Variants in APTX observed in about 807,000 individuals in gnomAD.
The protein encoded by APTX is forkhead-associated domain histidine triad-like protein.
Under a neutral mutation model 42.3 loss-of-function variants are expected in APTX, and 33 were observed. The observed-to-expected ratio is 0.78, with a 90% CI of 0.59 to 1.04. The LOEUF (loss-of-function observed/expected upper bound fraction) is 1.04. Among genes scored for constraint, APTX ranks in the 50% least tolerant of loss-of-function variants. The probability of loss-of-function intolerance (pLI) is 0.00; values close to 1 mark genes in which losing one functional copy is unlikely to be tolerated. For synonymous variants in APTX, 130 were observed against 146.7 expected, an observed-to-expected ratio of 0.89 and a Z score of 0.82; for missense variants, 421 against 415.1, an observed-to-expected ratio of 1.01 and a Z score of -0.12.
At chr9:33,022,018 G>A (rs951917935) in intron 1 of APTX, among the ~76,000 whole-genome samples, 7 of 151,252 alleles carry the variant, frequency 4.6e-5, no homozygotes, top group African/African-American at 1.7e-4. Flanking sequence ...TGTAAACCTG[G>A]GACAACAGAT....
intron 1 of APTX, among the ~76,000 whole-genome samples, chr9:33,000,655 AAAG>A (rs1836129473): frequency 6.6e-6 from 1 of 150,542 alleles, no homozygotes; most frequent in Non-Finnish European, 1.5e-5. Flanking sequence ...AAAGAAAAGA[AAAG>A]AAAAAGAAAA....
Position 32,984,822 on chromosome 9 carries a change from A to G in APTX, c.579T>C (p.Asp193=), listed in dbSNP as rs1367236323. Residue 193 remains aspartate, a synonymous_variant, in exon 6 of 8, where the codon GAT becomes GAC. Transcript: ENST00000379817. ...AATGGTAACGGGCCTTTGGGTATTT[A>G]TCCTTTATCACCACCACCTGCTCAT... is the stretch of plus-strand genomic sequence containing the variant. ...YKDEQVVVIK[D]KYPKARYHWL... 1.2e-6 allele frequency: 2 copies of G among 1,614,078 alleles called. No homozygotes were observed. The highest frequency in any genetic ancestry group is 1.7e-6 in the Non-Finnish European group (2 of 1,180,042).
upstream of APTX, chr9:33,001,693 T>C (rs1836594386): frequency 6.5e-7 from 1 of 1,548,360 alleles, no homozygotes; most frequent in Non-Finnish European, 8.8e-7. Context: ...CTCTAACGGA[T>C]TGGCTGAAAG....
upstream of APTX, among the ~76,000 whole-genome samples, chr9:33,002,078 TG>T: frequency 6.6e-6 from 1 of 152,332 alleles, no homozygotes. Context: ...CAGGGAAACC[TG>T]TTTTTTGTAG....
Position 32,985,956 on chromosome 9 carries a change from A to C in APTX, c.543+15T>G. 1 of 1,610,770 alleles carries C rather than the reference A, an allele frequency of 6.2e-7. No individual in the cohort carries two copies. The highest frequency in any genetic ancestry group is 1.1e-5 in the South Asian group (1 of 90,928). ...CAACATGAAATGTACTGAAATTCCA[A>C]AATTGTATTCTGACCTGCATTTTGG... On this transcript the variant is annotated intron_variant, in intron 5 of 7. Transcript: ENST00000379817.
intron 1 of APTX, chr9:33,020,117 C>T: frequency 2.7e-6 from 1 of 375,424 alleles, no homozygotes; most frequent in Non-Finnish European, 4.7e-6. Context: ...CCTGCGTCTG[C>T]ATCCACGTCC....
chr9:33,023,743 GCA>G (rs1838600017), intron 1 of APTX, among the ~76,000 whole-genome samples: 2 of 152,348 alleles, frequency 1.3e-5, no homozygotes, highest in South Asian at 2.1e-4. Context: ...TGACTGGAAT[GCA>G]CAGTTAAAAT....
At chr9:33,024,867 G>GTT (rs1491329152) in intron 1 of APTX, 5 of 83,666 alleles carry the variant, frequency 6.0e-5, no homozygotes, top group East Asian at 3.7e-4. Context: ...TAAGAGGGGG[G>GTT]GGGGGGGGGG....
intron 1 of APTX, among the ~76,000 whole-genome samples, chr9:32,993,922 T>C (rs1834237314): frequency 6.6e-6 from 1 of 152,082 alleles, no homozygotes; most frequent in African/African-American, 2.4e-5. Flanking sequence ...TTTCACCATG[T>C]TGGCCAGGCT....
upstream of APTX, among the ~76,000 whole-genome samples, chr9:33,003,817 A>G (rs1247973290): frequency 2.0e-5 from 3 of 151,020 alleles, no homozygotes; most frequent in East Asian, 1.9e-4. Context: ...AGTTTCATCC[A>G]CATTGTATCA....
chr9:33,006,999 C>CAAAAAAAAAAAAAAAAAAAAAAAA (rs55924566), intron 1 of APTX, among the ~76,000 whole-genome samples: 17 of 49,444 alleles, frequency 3.4e-4, no homozygotes, highest in Non-Finnish European at 5.6e-4. Flanking sequence ...GACTCTGTCT[C>CAAAAAAAAAAAAAAAAAAAAAAAA]AAAAAAAAAA....
At chr9:32,981,537 T>G (rs1587406903) in intron 6 of APTX, among the ~76,000 whole-genome samples, 1 of 152,166 alleles carries the variant, frequency 6.6e-6, no homozygotes, top group Non-Finnish European at 1.5e-5. Context: ...AGAAACCTAG[T>G]GCCCAAGAAG....
rs771607486 is a variant in APTX, at chr9:32,973,606, A to C, written c.921T>G (p.Asp307Glu). 1 of 1,613,614 alleles carries C rather than the reference A, an allele frequency of 6.2e-7. No homozygotes were observed. Among genetic ancestry groups the C allele is most frequent in the East Asian group, 2.2e-5 (1 of 44,846 alleles). Reference protein sequence around the residue: ...VQEAGRVTVRDGMPELLKLPL... With the variant: ...VQEAGRVTVREGMPELLKLPL... The stretch of plus-strand genomic sequence containing the variant: ...GCAGCTTCAAGAGCTCAGGCATCCC[A>C]TCTCGGACAGTTACTCTACCAGCCT... The change falls in exon 8 of 8, where the codon GAT becomes GAG. Residue 307 changes from aspartate to glutamate, a missense_variant. Transcript: ENST00000379817.
chr9:33,019,462 T>A (rs1838184832), intron 1 of APTX, among the ~76,000 whole-genome samples: 1 of 152,206 alleles, frequency 6.6e-6, no homozygotes. Flanking sequence ...TTCCACTTTG[T>A]GCCGATAAAA....
chr9:32,989,155 C>T (rs949283126), intron 2 of APTX, among the ~76,000 whole-genome samples: 4 of 152,178 alleles, frequency 2.6e-5, no homozygotes, highest in African/African-American at 9.7e-5. Context: ...CTTAGATTAA[C>T]TCATATAGGA....
At chr9:33,001,648 C>A, upstream of APTX, 1 of 1,611,510 alleles carries the variant, frequency 6.2e-7, no homozygotes, top group Non-Finnish European at 8.5e-7. Flanking sequence ...CGTCAGAGGC[C>A]GGCTGTATCG....
chr9:32,989,910 A>G lies in APTX; in HGVS notation c.-4-15T>C, dbSNP rs751537148. 4 of 1,612,264 alleles carry G rather than the reference A, an allele frequency of 2.5e-6. No homozygotes were observed. The South Asian group carries it at 4.4e-5, about 18-fold the overall frequency. ...GCATCATCACTCTAAGGGACAAAAC[A>G]AAAGAATCACTAGAAAAACAGATCC... is the stretch of plus-strand genomic sequence containing the variant. On this transcript the variant is annotated splice_polypyrimidine_tract_variant and intron_variant, in intron 1 of 7. Coordinates refer to ENST00000379817, the MANE Select transcript of APTX (RefSeq NM_001195248.2).
At chr9:33,003,556 C>T (rs1002899893), upstream of APTX, among the ~76,000 whole-genome samples, 2 of 151,914 alleles carry the variant, frequency 1.3e-5, no homozygotes, top group East Asian at 1.9e-4. Flanking sequence ...TGCTTGAACC[C>T]GGGAGGTAGA....
Position 33,017,778 on chromosome 9 carries a change from T to A in APTX, c.-5+7245A>T, listed in dbSNP as rs116184055. ...GCTCTCCAAACTCCTTTGGTTAGGG[T>A]TTTTTTATTGAGGCTTCATTAGGTA... On this transcript the variant is annotated intron_variant, in intron 1 of 6. Coordinates refer to the APTX transcript ENST00000436040. Among the ~76,000 whole-genome samples, 1,162 of 152,168 alleles carry A rather than the reference T, an allele frequency of 7.6e-3. 13 individuals are homozygous for A. The highest frequency in any genetic ancestry group is 0.027 in the African/African-American group (1,111 of 41,514).
Sources: gnomAD v4.1 joint callset for allele counts (sites outside exome capture counted in the v4.1 genomes callset) on GRCh38, gnomAD v4.1.1 for gene constraint, MANE v1.5 for transcripts, NCBI Gene and HGNC (gene_info 2026-07-23, HGNC 2026-07-21) for gene names.